Variants in PHF21B observed in about 807,000 individuals in gnomAD.
PHF21B encodes PHD finger protein 4.
In PHF21B, 22 loss-of-function variants were observed where a neutral mutation model predicts 62.2. That is an observed-to-expected ratio of 0.35 (90% CI 0.25 to 0.51). The LOEUF is 0.51. PHF21B is among the 20% of genes least tolerant of loss of function. The pLI, the probability that PHF21B is intolerant of heterozygous loss-of-function variation, is 0.97. For synonymous variants in PHF21B, 341 were observed against 314.7 expected (o/e 1.08, Z -0.88); for missense variants, 701 against 707.9 (o/e 0.99, Z 0.11).
chr22:44,954,254 C>T (rs1569251610), intron 2 of PHF21B, among the ~76,000 whole-genome samples: 1 of 152,332 alleles, frequency 6.6e-6, no homozygotes, highest in East Asian at 1.9e-4. Flanking sequence ...TGGTACTTTC[C>T]AGCCTTCTGA....
At chr22:44,958,534 T>A (rs951943540) in intron 2 of PHF21B, among the ~76,000 whole-genome samples, 1 of 151,522 alleles carries the variant, frequency 6.6e-6, no homozygotes, top group Admixed American at 6.6e-5. Flanking sequence ...CTAGTCCCAT[T>A]CCATTAGCGT....
At chr22:44,966,070 G>A (rs957677441) in intron 2 of PHF21B, among the ~76,000 whole-genome samples, 2 of 152,088 alleles carry the variant, frequency 1.3e-5, no homozygotes, top group Non-Finnish European at 2.9e-5. Context: ...AGCCTGGAAA[G>A]CCCCTTCCAC....
intron 2 of PHF21B, among the ~76,000 whole-genome samples, chr22:44,927,386 C>T (rs1169127940): frequency 3.3e-5 from 5 of 152,176 alleles, no homozygotes; most frequent in Non-Finnish European, 5.9e-5. Flanking sequence ...TATCCAGCAC[C>T]CTTAGCTAGG....
intron 2 of PHF21B, among the ~76,000 whole-genome samples, chr22:44,939,761 TG>T (rs1347603770): frequency 6.6e-6 from 1 of 151,008 alleles, no homozygotes; most frequent in South Asian, 2.1e-4. Flanking sequence ...TGCAGGAGGG[TG>T]GGTCTGAGGA....
chr22:44,919,810 C>A (rs1197215114), intron 3 of PHF21B, among the ~76,000 whole-genome samples: 1 of 152,214 alleles, frequency 6.6e-6, no homozygotes, highest in Non-Finnish European at 1.5e-5. Flanking sequence ...TTGGCTCAAC[C>A]CTCACAGCCA....
At chr22:44,920,786 A>AT (rs1263293906) in intron 2 of PHF21B, among the ~76,000 whole-genome samples, 1 of 152,122 alleles carries the variant, frequency 6.6e-6, no homozygotes, top group African/African-American at 2.4e-5. Flanking sequence ...GTTGTAACCT[A>AT]TTTTTCTACT....
chr22:44,947,356 G>C (rs910172336), intron 2 of PHF21B, among the ~76,000 whole-genome samples: 6 of 152,236 alleles, frequency 3.9e-5, no homozygotes, highest in African/African-American at 1.2e-4. Flanking sequence ...TTTTTAAGCA[G>C]ACCGACGCAT....
chr22:44,920,088 G>A (rs1026643562), intron 3 of PHF21B, among the ~76,000 whole-genome samples: 1 of 152,232 alleles, frequency 6.6e-6, no homozygotes, highest in African/African-American at 2.4e-5. Flanking sequence ...AGTTGGTCAA[G>A]AAACAATGCA....
rs1290090474 is a variant in PHF21B at position 44,882,331 on chromosome 22, G to A, written c.*755C>T. On this transcript the variant is annotated 3_prime_UTR_variant, in exon 13 of 13. Transcript: ENST00000313237. Reference sequence around the variant, plus strand: ...CATCAACGGCAAACTGAGTCCAAGAGATTGGCAAAAGGAAGGAGGCAGCCT... The same window carrying A: ...CATCAACGGCAAACTGAGTCCAAGAAATTGGCAAAAGGAAGGAGGCAGCCT... The A allele has an allele frequency of 6.5e-6, 1 of 152,842 alleles. No homozygotes were observed. Among genetic ancestry groups the A allele is most frequent in the African/African-American group, 2.4e-5 (1 of 41,454 alleles). The allele number at this position is 152,842 out of a possible 1,614,324, so 9.5% of individuals were successfully genotyped here.
intron 2 of PHF21B, among the ~76,000 whole-genome samples, chr22:44,928,905 A>T (rs867927356): frequency 6.6e-5 from 10 of 151,920 alleles, no homozygotes; most frequent in Admixed American, 6.6e-4. Context: ...CTGAGGCCCC[A>T]CTGCCGGGGC....
intron 5 of PHF21B, among the ~76,000 whole-genome samples, chr22:44,906,473 G>A (rs1025354867): frequency 6.6e-6 from 1 of 152,178 alleles, no homozygotes; most frequent in East Asian, 1.9e-4. Context: ...AGAGAGGTGC[G>A]GGGCTGGGAC....
intron 5 of PHF21B, among the ~76,000 whole-genome samples, chr22:44,907,482 T>C (rs1317536726): frequency 6.6e-6 from 1 of 151,898 alleles, no homozygotes; most frequent in Non-Finnish European, 1.5e-5. Flanking sequence ...GAGTGGGGCG[T>C]GGGATGTACA....
At chr22:44,944,269 G>A (rs566011080) in intron 2 of PHF21B, among the ~76,000 whole-genome samples, 4 of 152,294 alleles carry the variant, frequency 2.6e-5, no homozygotes, top group South Asian at 4.1e-4. Flanking sequence ...AAGGGAATTC[G>A]GGGAGGAAAT....
chr22:44,974,876 GATC>G (rs2072708175), intron 2 of PHF21B, among the ~76,000 whole-genome samples: 1 of 152,200 alleles, frequency 6.6e-6, no homozygotes, highest in African/African-American at 2.4e-5. Flanking sequence ...TGAAAATTCT[GATC>G]ATATTAATAC....
At chr22:44,965,766 C>CA (rs1371943086) in intron 2 of PHF21B, among the ~76,000 whole-genome samples, 2 of 152,208 alleles carry the variant, frequency 1.3e-5, no homozygotes, top group African/African-American at 4.8e-5. Context: ...ACACTGGAGC[C>CA]ACTGCCAGAT....
intron 2 of PHF21B, among the ~76,000 whole-genome samples, chr22:44,984,237 C>T (rs1468230210): frequency 4.8e-5 from 7 of 146,160 alleles, no homozygotes; most frequent in African/African-American, 1.5e-4. Context: ...CCATCACCAC[C>T]CTCATTACCA....
chr22:44,920,037 A>T (rs1462699209), intron 3 of PHF21B, among the ~76,000 whole-genome samples: 1 of 147,962 alleles, frequency 6.8e-6, no homozygotes, highest in African/African-American at 2.4e-5. Context: ...CATAACCCAT[A>T]GTCAAAAATA....
At chr22:44,991,806 C>T (rs968784629) in intron 2 of PHF21B, among the ~76,000 whole-genome samples, 2 of 152,270 alleles carry the variant, frequency 1.3e-5, no homozygotes, top group Non-Finnish European at 2.9e-5. Flanking sequence ...CACCTGGGGA[C>T]ACGGGACAAT....
intron 2 of PHF21B, among the ~76,000 whole-genome samples, chr22:44,942,128 G>C (rs1569242940): frequency 1.3e-5 from 2 of 152,222 alleles, no homozygotes; most frequent in Non-Finnish European, 2.9e-5. Flanking sequence ...CTCAGCATCT[G>C]CCCTTGTCCC....
Sources: allele counts gnomAD v4.1 joint callset (sites outside exome capture counted in the v4.1 genomes callset), GRCh38; gene constraint gnomAD v4.1.1; transcripts MANE v1.5; gene names NCBI Gene and HGNC (gene_info 2026-07-23, HGNC 2026-07-21).